Variants in PPM1H observed in about 807,000 individuals in gnomAD.
PPM1H encodes the protein protein phosphatase 1H.
A neutral mutation model predicts 54.9 loss-of-function variants in PPM1H; 27 were observed. That is an observed-to-expected ratio of 0.49 (90% CI 0.36 to 0.68). The LOEUF is 0.68. PPM1H is among the 30% of genes least tolerant of loss of function. The pLI is 0.00. For missense variants in PPM1H, 596 were observed against 667.8 expected, an observed-to-expected ratio of 0.89 and a Z score of 1.19; for synonymous variants, 305 against 270.8, an observed-to-expected ratio of 1.13 and a Z score of -1.24.
chr12:62,871,824 A>G (rs1869998438), intron 1 of PPM1H, among the ~76,000 whole-genome samples: 1 of 152,094 alleles, frequency 6.6e-6, no homozygotes, highest in Non-Finnish European at 1.5e-5. Context: ...CCAAAATTGT[A>G]TATCTTAAAT....
At chr12:62,678,284 T>C (rs943716915) in intron 8 of PPM1H, among the ~76,000 whole-genome samples, 10 of 152,210 alleles carry the variant, frequency 6.6e-5, no homozygotes, top group African/African-American at 2.2e-4. Flanking sequence ...CATTCTTATA[T>C]GCATTAATGC....
In PPM1H at chr12:62,710,901, T is replaced by C. The variant is rs79485186; in HGVS notation, c.1073+9270A>G. Among the ~76,000 whole-genome samples the C allele has an allele frequency of 4.6e-5, 7 of 152,374 alleles. No individual in the cohort carries two copies. In the East Asian group the frequency reaches 5.8e-4, roughly 13 times the overall value. ...CACTCTCCATAATAGCTAATGATTA[T>C]AGTATTAGAAACTCATCACGCGCTA... On this transcript the variant is annotated intron_variant, in intron 6 of 9. Transcript: ENST00000228705.
At chr12:62,713,142 C>T (rs1045583022) in intron 6 of PPM1H, among the ~76,000 whole-genome samples, 2 of 152,170 alleles carry the variant, frequency 1.3e-5, no homozygotes, top group African/African-American at 2.4e-5. Context: ...CTCCAGAAAG[C>T]GTTTGGATGG....
chr12:62,711,184 G>T (rs575942303), intron 6 of PPM1H, among the ~76,000 whole-genome samples: 1 of 152,198 alleles, frequency 6.6e-6, no homozygotes, highest in East Asian at 1.9e-4. Context: ...TAGAAACAGG[G>T]TCTCCCCATG....
chr12:62,863,931 A>G (rs1384543323), intron 1 of PPM1H, among the ~76,000 whole-genome samples: 2 of 152,214 alleles, frequency 1.3e-5, no homozygotes, highest in Non-Finnish European at 2.9e-5. Flanking sequence ...AAATCTAACC[A>G]TGAGACATAA....
chr12:62,839,028 A>G (rs530988402), intron 1 of PPM1H, among the ~76,000 whole-genome samples: 59 of 152,120 alleles, frequency 3.9e-4, no homozygotes, highest in African/African-American at 1.3e-3. Flanking sequence ...GCCTGTTCAC[A>G]ATCCATGACC....
chr12:62,732,388 T>C (rs1019782329), intron 5 of PPM1H, among the ~76,000 whole-genome samples: 3 of 152,154 alleles, frequency 2.0e-5, no homozygotes, highest in African/African-American at 2.4e-5. Flanking sequence ...GTCCAGACTG[T>C]GCATACCAAG....
intron 1 of PPM1H, among the ~76,000 whole-genome samples, chr12:62,833,571 G>A (rs1455732384): frequency 6.6e-6 from 1 of 151,960 alleles, no homozygotes; most frequent in Non-Finnish European, 1.5e-5. Context: ...ATAGCTTTTA[G>A]TACTAAAAAT....
Position 62,697,700 on chromosome 12 carries a change from T to C in PPM1H, c.1074-3701A>G, listed in dbSNP as rs757993337. ...GAAGGTACTTTGGATTTGAGATGAATAGAGAGTGTCTAGTCATAGAACCAA... is the reference window on the plus strand; with the variant it reads ...GAAGGTACTTTGGATTTGAGATGAACAGAGAGTGTCTAGTCATAGAACCAA... On this transcript the variant is annotated intron_variant, in intron 6 of 9. Coordinates refer to ENST00000228705, the MANE Select transcript of PPM1H (RefSeq NM_020700.2). Among the ~76,000 whole-genome samples, 6 of 152,174 alleles carry C rather than the reference T, an allele frequency of 3.9e-5. No individual in the cohort carries two copies. In the East Asian group the frequency reaches 7.7e-4, roughly 20 times the overall value.
At chr12:62,828,824 A>G (rs1280747337) in intron 2 of PPM1H, among the ~76,000 whole-genome samples, 2 of 152,214 alleles carry the variant, frequency 1.3e-5, no homozygotes, top group Non-Finnish European at 2.9e-5. Context: ...TGAAGAACAT[A>G]TACAAAGGTC....
intron 1 of PPM1H, among the ~76,000 whole-genome samples, chr12:62,884,686 A>C (rs1870524040): frequency 6.6e-6 from 1 of 152,170 alleles, no homozygotes; most frequent in Non-Finnish European, 1.5e-5. Flanking sequence ...TAGTAGTTAT[A>C]CGGTATTGTG....
At chr12:62,873,747 G>A (rs1484352914) in intron 1 of PPM1H, among the ~76,000 whole-genome samples, 1 of 152,132 alleles carries the variant, frequency 6.6e-6, no homozygotes, top group Non-Finnish European at 1.5e-5. Context: ...TGTGGGGACG[G>A]GAATAAATAA....
At chr12:62,918,980 G>T (rs1451160893) in intron 1 of PPM1H, among the ~76,000 whole-genome samples, 15 of 152,308 alleles carry the variant, frequency 9.8e-5, no homozygotes. Flanking sequence ...ACTTTGACAG[G>T]TTAGTAAACA....
At chr12:62,875,379 A>G (rs479356) in intron 1 of PPM1H, among the ~76,000 whole-genome samples, 97,312 of 152,046 alleles carry the variant, frequency 0.64, 32,087 homozygotes, top group African/African-American at 0.8. Context: ...GGTCACACTA[A>G]ACCTTAGGAA....
intron 8 of PPM1H, among the ~76,000 whole-genome samples, chr12:62,669,413 G>A (rs2075940889): frequency 6.6e-6 from 1 of 152,166 alleles, no homozygotes; most frequent in African/African-American, 2.4e-5. Context: ...GTTCCGGGTG[G>A]GCTTGAGAGC....
intron 4 of PPM1H, among the ~76,000 whole-genome samples, chr12:62,750,540 A>AT (rs1391679141): frequency 1.3e-5 from 2 of 152,090 alleles, no homozygotes; most frequent in African/African-American, 2.4e-5. Context: ...TTGTGTTTCC[A>AT]TTTTTTTTGA....
intron 6 of PPM1H, among the ~76,000 whole-genome samples, chr12:62,716,184 G>C (rs145895896): frequency 6.6e-6 from 1 of 152,132 alleles, no homozygotes. Flanking sequence ...TGGGAGTAAG[G>C]GGGGGTCATT....
intron 1 of PPM1H, among the ~76,000 whole-genome samples, chr12:62,840,790 G>A (rs191279655): frequency 6.6e-6 from 1 of 152,314 alleles, no homozygotes; most frequent in East Asian, 1.9e-4. Context: ...ATAACCAATG[G>A]AAGAAATCTA....
chr12:62,903,106 C>T (rs1032726349), intron 1 of PPM1H, among the ~76,000 whole-genome samples: 1 of 152,072 alleles, frequency 6.6e-6, no homozygotes, highest in Non-Finnish European at 1.5e-5. Context: ...GACACATGGA[C>T]AGAAAATATA....
Sources: gnomAD v4.1 joint callset for allele counts (sites outside exome capture counted in the v4.1 genomes callset) on GRCh38, gnomAD v4.1.1 for gene constraint, MANE v1.5 for transcripts, NCBI Gene and HGNC (gene_info 2026-07-23, HGNC 2026-07-21) for gene names.